LPA: variants seen among roughly 807,000 people sequenced by gnomAD.
The protein encoded by LPA is lipoprotein(a).
LPA carries 199 observed loss-of-function variants against 197.9 expected under a neutral mutation model. The ratio of observed to expected loss-of-function variants is 1.01; its 90% confidence interval spans 0.90 to 1.13. The LOEUF (loss-of-function observed/expected upper bound fraction) is 1.13, where lower values mean the gene tolerates loss of function less well. LPA is among the 50% of genes most tolerant of loss of function. The probability of loss-of-function intolerance (pLI) is 0.00; values close to 1 mark genes in which losing one functional copy is unlikely to be tolerated. For synonymous variants in LPA, 715 were observed against 639.5 expected, an observed-to-expected ratio of 1.12 and a Z score of -1.78; for missense variants, 1,853 against 1,785.8, an observed-to-expected ratio of 1.04 and a Z score of -0.68.
chr6:160,650,229 T>G, intron 2 of LPA, 109 bp downstream of exon 2: 1 of 1,068,610 alleles, frequency 9.4e-7, no homozygotes, highest in Non-Finnish European at 1.4e-6. Context: ...TTGCCATGCA[T>G]TCTATGTGTG....
At chr6:160,581,160 G>T (rs1778788366) in intron 26 of LPA, among the ~76,000 whole-genome samples, 1 of 152,002 alleles carries the variant, frequency 6.6e-6, no homozygotes, top group Admixed American at 6.6e-5. Context: ...AGTTGTTTCA[G>T]ACCAATTTTG....
At chr6:160,599,436 T>C (rs1053844951) in intron 20 of LPA, 64 bp downstream of exon 20, 23 of 1,601,896 alleles carry the variant, frequency 1.4e-5, no homozygotes, top group Middle Eastern at 2.2e-4. Context: ...CCTTGAAGCA[T>C]GACTCTTCTA....
chr6:160,533,455 G>A (rs754587272), intron 37 of LPA, among the ~76,000 whole-genome samples: 1 of 152,162 alleles, frequency 6.6e-6, no homozygotes, highest in Non-Finnish European at 1.5e-5. Flanking sequence ...CTCAGCTTGA[G>A]TCTGGGTCTG....
intron 1 of LPA, among the ~76,000 whole-genome samples, chr6:160,659,145 G>A (rs1028055847): frequency 6.6e-6 from 1 of 152,144 alleles, no homozygotes; most frequent in Non-Finnish European, 1.5e-5. Flanking sequence ...GATGTAGGCT[G>A]GGAGGCTAAG....
Position 160,591,045 on chromosome 6 carries a change from T to A in LPA, c.3686A>T (p.Tyr1229Phe), listed in dbSNP as rs1464408940. The change falls in exon 23 of 39, where the codon TAT becomes TTT. Residue 1229 changes from tyrosine (Y) to phenylalanine (F), a missense_variant. Tyr to Phe is a conservative substitution (Grantham distance 22). Transcript: ENST00000316300. ...CCATCTGACATTGGGATCCATGGTATAACACCAAGGACTAATCTCAGCATC... is the reference window on the plus strand; with the variant it reads ...CCATCTGACATTGGGATCCATGGTAAAACACCAAGGACTAATCTCAGCATC... ...NPDAEISPWC[Y>F]TMDPNVRWEY... is the part of the protein sequence containing the mutation. 4 of 1,613,990 alleles carry A rather than the reference T, an allele frequency of 2.5e-6. No individual in the cohort carries two copies. The highest frequency in any genetic ancestry group is 3.3e-5 in the Admixed American group (2 of 60,014).
intron 37 of LPA, among the ~76,000 whole-genome samples, chr6:160,533,265 T>C (rs1463636159): frequency 2.6e-5 from 4 of 152,110 alleles, no homozygotes; most frequent in Non-Finnish European, 4.4e-5. Flanking sequence ...AGTAACTCTA[T>C]GTTGTATAAA....
chr6:160,555,147 CT>C (rs1297802829), intron 30 of LPA, among the ~76,000 whole-genome samples: 1 of 151,406 alleles, frequency 6.6e-6, no homozygotes, highest in Non-Finnish European at 1.5e-5. Flanking sequence ...CATCTACATT[CT>C]TGCTTTTGCT....
chr6:160,534,426 A>T (rs1777854228), intron 37 of LPA, among the ~76,000 whole-genome samples: 1 of 152,156 alleles, frequency 6.6e-6, no homozygotes, highest in South Asian at 2.1e-4. Flanking sequence ...AGGGTGGGCC[A>T]CAGGTAACCT....
At chr6:160,576,394 A>ATATATATATATATATATGGG (rs1778673603) in intron 28 of LPA, among the ~76,000 whole-genome samples, 1 of 53,754 alleles carries the variant, frequency 1.9e-5, no homozygotes, top group Non-Finnish European at 4.7e-5. Context: ...ATATATGTAT[A>ATATATATATATATATATGGG]TATATATATA....
At chr6:160,604,485 C>G (rs1779305950) in intron 18 of LPA, among the ~76,000 whole-genome samples, 1 of 152,192 alleles carries the variant, frequency 6.6e-6, no homozygotes, top group African/African-American at 2.4e-5. Flanking sequence ...GGATCTCTCT[C>G]TTTGCTGACT....
chr6:160,601,966 G>C (rs577429904), intron 18 of LPA, among the ~76,000 whole-genome samples: 1 of 152,220 alleles, frequency 6.6e-6, no homozygotes, highest in Non-Finnish European at 1.5e-5. Flanking sequence ...GAGGACCTCA[G>C]GCTGGGGAAA....
chr6:160,661,507 G>A (rs1253891489), intron 1 of LPA, among the ~76,000 whole-genome samples: 1 of 152,182 alleles, frequency 6.6e-6, no homozygotes, highest in South Asian at 2.1e-4. Flanking sequence ...CCTCCTGAGA[G>A]TACACAGACC....
intron 18 of LPA, among the ~76,000 whole-genome samples, chr6:160,602,582 T>C (rs140357864): frequency 6.6e-6 from 1 of 152,360 alleles, no homozygotes; most frequent in East Asian, 1.9e-4. Context: ...GCTGGGTTCT[T>C]CATTACGTGG....
intron 28 of LPA, among the ~76,000 whole-genome samples, chr6:160,560,158 A>T (rs1404324199): frequency 6.6e-6 from 1 of 152,200 alleles, no homozygotes; most frequent in East Asian, 1.9e-4. Flanking sequence ...CACAGTGTAT[A>T]TGTGCCACAT....
chr6:160,649,590 C>T (rs1779967586), intron 2 of LPA, among the ~76,000 whole-genome samples: 1 of 152,140 alleles, frequency 6.6e-6, no homozygotes, highest in Non-Finnish European at 1.5e-5. Context: ...AGGAAGAAAA[C>T]CAGTGCATCT....
Position 160,599,625 on chromosome 6 carries a change from G to C in LPA, c.3162C>G (p.Cys1054Trp), listed in dbSNP as rs772747145. ...LTEETPGVQD[C>W]YYHYGQSYRG... ...GGTAACTCTGTCCATAATGGTAGTA[G>C]CAGTCCTGTACCCCGGGGGTTTCCT... Residue 1054 changes from cysteine to tryptophan, a missense_variant, in exon 20 of 39, where the codon TGC becomes TGG. Around this residue, in one of 3 missense-constraint regions of LPA, gnomAD observed 1,737 missense variants for 1,504.4 expected, o/e 1.15. Coordinates refer to ENST00000316300, the MANE Select transcript of LPA (RefSeq NM_005577.4). The C allele has an allele frequency of 1.9e-6, 3 of 1,614,120 alleles. No homozygotes were observed. The highest frequency in any genetic ancestry group is 3.3e-4 in the Middle Eastern group (2 of 6,060).
intron 1 of LPA, among the ~76,000 whole-genome samples, chr6:160,650,803 A>G (rs981529054): frequency 6.6e-5 from 10 of 152,202 alleles, no homozygotes; most frequent in Middle Eastern, 3.2e-3. Context: ...GTTCATGAGG[A>G]CCACAGGACA....
intron 37 of LPA, among the ~76,000 whole-genome samples, chr6:160,532,919 T>C (rs1016617560): frequency 3.3e-5 from 5 of 152,254 alleles, no homozygotes; most frequent in Admixed American, 3.3e-4. Flanking sequence ...GCTTTTCTTT[T>C]GAAGCTATCA....
chr6:160,568,113 G>C (rs1437950252), intron 28 of LPA, among the ~76,000 whole-genome samples: 2 of 152,164 alleles, frequency 1.3e-5, no homozygotes, highest in Admixed American at 1.3e-4. Flanking sequence ...CATAGAAAAA[G>C]AGGGAATCCT....
Sources: allele counts gnomAD v4.1 joint callset (sites outside exome capture counted in the v4.1 genomes callset), GRCh38; gene constraint gnomAD v4.1.1; regional missense constraint gnomAD v4.1.1; transcripts MANE v1.5; gene names NCBI Gene and HGNC (gene_info 2026-07-23, HGNC 2026-07-21).